The following KREMEN1 variants were observed in gnomAD, a reference collection of about 807,000 sequenced individuals.
KREMEN1 encodes kringle containing transmembrane protein 1, also known as kremen protein 1.
KREMEN1 carries 30 observed loss-of-function variants against 46.5 expected under a neutral mutation model. The observed-to-expected ratio is 0.65, with a 90% confidence interval of 0.48 to 0.88. The LOEUF is 0.88. Among genes scored for constraint, KREMEN1 ranks in the 40% least tolerant of loss-of-function variants. KREMEN1 has a pLI of 0.00. For missense variants in KREMEN1, 533 were observed against 596.9 expected, an observed-to-expected ratio of 0.89 and a Z score of 1.11; for synonymous variants, 214 against 230.6, an observed-to-expected ratio of 0.93 and a Z score of 0.65.
Position 29,142,966 on chromosome 22 carries a change from A to G in KREMEN1, c.*854A>G, listed in dbSNP as rs1296537109. 1 of 636,460 alleles carries G rather than the reference A, an allele frequency of 1.6e-6. No individual in the cohort carries two copies. The highest frequency in any genetic ancestry group is 2.0e-6 in the Non-Finnish European group (1 of 511,732). 39.4% of individuals were successfully genotyped at this position (636,460 alleles called of 1,614,324 possible). On this transcript the variant is annotated 3_prime_UTR_variant, in exon 9 of 9. Coordinates refer to ENST00000400335, the MANE Select transcript of KREMEN1 (RefSeq NM_001039570.3). ...GGAGTTCGAGACCAGCCTGGCCAACATGGTGAAACCCCGTCTCTACTAAAA... is the reference window on the plus strand; with the variant it reads ...GGAGTTCGAGACCAGCCTGGCCAACGTGGTGAAACCCCGTCTCTACTAAAA...
At chr22:29,131,556 A>ATGTG (rs1466730126) in intron 5 of KREMEN1, among the ~76,000 whole-genome samples, 3 of 72,062 alleles carry the variant, frequency 4.2e-5, no homozygotes, top group East Asian at 3.3e-4. Context: ...ATATATATAT[A>ATGTG]TATATGTGTG....
Position 29,146,432 on chromosome 22 carries a change from G to A in KREMEN1, c.*4320G>A, listed in dbSNP as rs1377928659. The A allele has an allele frequency of 1.1e-5, 11 of 985,558 alleles. No individual in the cohort carries two copies. In the East Asian group the frequency reaches 1.0e-3, roughly 91 times the overall value. The allele number at this position is 985,558 out of a possible 1,614,324, so 61.1% of individuals were successfully genotyped here. On this transcript the variant is annotated 3_prime_UTR_variant, in exon 9 of 9. Transcript: ENST00000400335. Reference sequence around the variant, plus strand: ...ACGGAGGCAGAAGTGGGGTGTGGAGGAAAGTCAGAGGGAAATCTGCTTCAG... The same window carrying A: ...ACGGAGGCAGAAGTGGGGTGTGGAGAAAAGTCAGAGGGAAATCTGCTTCAG...
chr22:29,130,028 G>A (rs960876958), intron 5 of KREMEN1, among the ~76,000 whole-genome samples: 3 of 152,270 alleles, frequency 2.0e-5, no homozygotes, highest in African/African-American at 7.2e-5. Flanking sequence ...TCTAGGCCCT[G>A]AAGGGAGGGG....
downstream of KREMEN1, among the ~76,000 whole-genome samples, chr22:29,149,698 T>G (rs374489477): frequency 3.3e-5 from 5 of 152,160 alleles, no homozygotes; most frequent in East Asian, 9.6e-4. Context: ...GAAGAACCCC[T>G]TTGGGATTAT....
intron 3 of KREMEN1, among the ~76,000 whole-genome samples, chr22:29,121,098 G>GC (rs2038349066): frequency 1.4e-5 from 2 of 146,538 alleles, no homozygotes. Context: ...ATATTAAACA[G>GC]TTTTTTTTTT....
intron 9 of KREMEN1, among the ~76,000 whole-genome samples, chr22:29,158,443 G>T (rs2038982979): frequency 6.6e-6 from 1 of 152,174 alleles, no homozygotes; most frequent in Non-Finnish European, 1.5e-5. Flanking sequence ...GCCGACATGG[G>T]GCACGGGGAA....
chr22:29,143,445 TA>T lies in KREMEN1; in HGVS notation c.*1339del. 1 of 985,192 alleles carries T rather than the reference TA, an allele frequency of 1.0e-6. No individual in the cohort carries two copies. The highest frequency in any genetic ancestry group is 1.2e-6 in the Non-Finnish European group (1 of 829,926). The allele number at this position is 985,192 out of a possible 1,614,324, so 61.0% of individuals were successfully genotyped here. A position where few individuals can be genotyped will look rare whatever the true frequency, so the allele number is the denominator to read the frequency against. Reference sequence around the variant, plus strand: ...TTCTGGTGTCCCCCGTGTTAAAAGATAAAAAACACCCCAAGGGCCGGGCGCG... The same window carrying T: ...TTCTGGTGTCCCCCGTGTTAAAAGATAAAAACACCCCAAGGGCCGGGCGCG... On this transcript the variant is annotated 3_prime_UTR_variant, in exon 9 of 9. Transcript: ENST00000400335.
intron 3 of KREMEN1, among the ~76,000 whole-genome samples, chr22:29,117,294 G>A (rs960650880): frequency 1.3e-5 from 2 of 152,202 alleles, no homozygotes; most frequent in African/African-American, 4.8e-5. Flanking sequence ...TGGACCGGGC[G>A]CAGTAGCTCA....
At chr22:29,118,320 C>T (rs1205305079) in intron 3 of KREMEN1, among the ~76,000 whole-genome samples, 1 of 152,112 alleles carries the variant, frequency 6.6e-6, no homozygotes, top group Non-Finnish European at 1.5e-5. Context: ...ATCAAGTTTG[C>T]CACATTCTAC....
chr22:29,112,165 A>G (rs2145794705), intron 3 of KREMEN1, among the ~76,000 whole-genome samples: 1 of 152,184 alleles, frequency 6.6e-6, no homozygotes, highest in South Asian at 2.1e-4. Flanking sequence ...ACGTGGCTCA[A>G]ACTTGAGTTT....
At chr22:29,166,391 G>C (rs775436413) in intron 9 of KREMEN1, among the ~76,000 whole-genome samples, 8 of 152,136 alleles carry the variant, frequency 5.3e-5, no homozygotes, top group Non-Finnish European at 7.4e-5. Flanking sequence ...GGTCACTTCT[G>C]CTCCTCACAT....
chr22:29,080,993 A>AT lies in KREMEN1; in HGVS notation c.97+7777dup, dbSNP rs1397503789. On this transcript the variant is annotated intron_variant, in intron 1 of 8. Coordinates refer to ENST00000400335, the MANE Select transcript of KREMEN1 (RefSeq NM_001039570.3). ...CAAGCTTTCCTGTTACCAGCAATGA[A>AT]TTTTTTTTTTTATACTTTAAGTTTT... 2.6e-3 allele frequency among the ~76,000 whole-genome samples: 280 copies of AT among 108,752 alleles called. 2 individuals carry two copies. The highest frequency in any genetic ancestry group is 4.2e-3 in the Non-Finnish European group (215 of 50,946). 71.3% of individuals were successfully genotyped at this position (108,752 alleles called of 152,430 possible). A position where few individuals can be genotyped will look rare whatever the true frequency, so the allele number is the denominator to read the frequency against.
At position 29,146,091 on chromosome 22, in the gene KREMEN1, C is replaced by T; in HGVS notation, c.*3979C>T. Reference sequence around the variant, plus strand: ...TCTGCTGAGGTCAGGCCAGGTCTCCCACGGAGCCGGGCAGCTCCACACCCC... The same window carrying T: ...TCTGCTGAGGTCAGGCCAGGTCTCCTACGGAGCCGGGCAGCTCCACACCCC... On this transcript the variant is annotated 3_prime_UTR_variant, in exon 9 of 9. Transcript: ENST00000400335. 1 of 985,976 alleles carries T rather than the reference C, an allele frequency of 1.0e-6. No homozygotes were observed. Among genetic ancestry groups the T allele is most frequent in the East Asian group, 1.1e-4 (1 of 8,824 alleles). The allele number at this position is 985,976 out of a possible 1,614,324, so 61.1% of individuals were successfully genotyped here.
chr22:29,135,397 T>C (rs571364368), intron 5 of KREMEN1, among the ~76,000 whole-genome samples: 1 of 152,338 alleles, frequency 6.6e-6, no homozygotes, highest in East Asian at 1.9e-4. Flanking sequence ...CTGTTTTCAG[T>C]GGCCCTGGGA....
At chr22:29,089,341 G>A (rs1259082056) in intron 1 of KREMEN1, among the ~76,000 whole-genome samples, 1 of 152,084 alleles carries the variant, frequency 6.6e-6, no homozygotes, top group Non-Finnish European at 1.5e-5. Context: ...GGCCCCTTTG[G>A]TGTGCTGTGT....
At chr22:29,159,124 G>GTTTT (rs1162443966) in intron 9 of KREMEN1, among the ~76,000 whole-genome samples, 4 of 35,324 alleles carry the variant, frequency 1.1e-4, no homozygotes, top group Admixed American at 5.4e-4. Flanking sequence ...CCAGCCAAGT[G>GTTTT]TTTTTTTTTT....
intron 1 of KREMEN1, among the ~76,000 whole-genome samples, chr22:29,085,558 AG>A (rs1326043660): frequency 6.6e-6 from 1 of 152,244 alleles, no homozygotes; most frequent in African/African-American, 2.4e-5. Flanking sequence ...CACTTCAGTC[AG>A]GATCTAAACA....
rs145935330 is a variant in KREMEN1 at position 29,087,550 on chromosome 22, C to T, written c.98-6708C>T. 1.7e-3 allele frequency among the ~76,000 whole-genome samples: 262 copies of T among 151,434 alleles called. 1 individual carries two copies. Among genetic ancestry groups the T allele is most frequent in the African/African-American group, 5.9e-3 (243 of 41,204 alleles). Reference sequence around the variant, plus strand: ...TTTAGATTAACTACTGTTTTCCTACCACTATCTTATACATGTCAAGTTTTT... The same window carrying T: ...TTTAGATTAACTACTGTTTTCCTACTACTATCTTATACATGTCAAGTTTTT... On this transcript the variant is annotated intron_variant, in intron 1 of 8. Coordinates refer to ENST00000400335, the MANE Select transcript of KREMEN1 (RefSeq NM_001039570.3).
chr22:29,108,679 T>C (rs1338242008), intron 3 of KREMEN1, among the ~76,000 whole-genome samples: 1 of 152,230 alleles, frequency 6.6e-6, no homozygotes, highest in Non-Finnish European at 1.5e-5. Flanking sequence ...TCTGCCCATC[T>C]CTTTTTTATC....
Sources: allele counts gnomAD v4.1 joint callset (sites outside exome capture counted in the v4.1 genomes callset), GRCh38; gene constraint gnomAD v4.1.1; transcripts MANE v1.5; gene names NCBI Gene and HGNC (gene_info 2026-07-23, HGNC 2026-07-21).